VRK2: variants seen among roughly 807,000 people sequenced by gnomAD.
VRK2 encodes VRK serine/threonine kinase 2.
A neutral mutation model predicts 57.6 loss-of-function variants in VRK2; 60 were observed. The observed-to-expected ratio is 1.04, with a 90% CI of 0.85 to 1.29. The LOEUF (loss-of-function observed/expected upper bound fraction) is 1.29, where lower values mean the gene tolerates loss of function less well. Ranked by LOEUF, VRK2 falls within the 50% of genes most tolerant of loss-of-function variation. The pLI, the probability that VRK2 is intolerant of heterozygous loss-of-function variation, is 0.00. For missense variants in VRK2, 705 were observed against 588.1 expected, an observed-to-expected ratio of 1.20 and a Z score of -2.06; for synonymous variants, 231 against 199.2, an observed-to-expected ratio of 1.16 and a Z score of -1.35.
intron 1 of VRK2, among the ~76,000 whole-genome samples, chr2:57,912,038 G>A (rs1670000991): frequency 6.6e-6 from 1 of 152,190 alleles, no homozygotes; most frequent in South Asian, 2.1e-4. Flanking sequence ...CCCCATAAAA[G>A]GGCTGGATTT....
chr2:58,086,330 T>A lies in VRK2; in HGVS notation c.257-9T>A. 2.5e-6 allele frequency: 4 copies of A among 1,592,858 alleles called. No homozygotes were observed. The highest frequency in any genetic ancestry group is 3.4e-6 in the Non-Finnish European group (4 of 1,171,374). ...ATGAATCTTTTTAAAAATAAATTTG[T>A]CTTTGTAGTCAAAAAGTGGATAGAA... is the stretch of plus-strand genomic sequence containing the variant. On this transcript the variant is annotated splice_polypyrimidine_tract_variant and intron_variant, in intron 4 of 12. Transcript: ENST00000340157.
chr2:58,136,220 G>A (rs962990706), intron 10 of VRK2, among the ~76,000 whole-genome samples: 1 of 152,110 alleles, frequency 6.6e-6, no homozygotes, highest in African/African-American at 2.4e-5. Flanking sequence ...ATCCCCACAT[G>A]AGTCTTTTGT....
chr2:57,930,666 T>C lies in VRK2; in HGVS notation c.-439+22827T>C, dbSNP rs567145147. Among the ~76,000 whole-genome samples the C allele has an allele frequency of 1.3e-5, 2 of 152,312 alleles. 1 individual carries two copies. The highest frequency in any genetic ancestry group is 4.1e-4 in the South Asian group (2 of 4,830). Reference sequence around the variant, plus strand: ...CCCAATATATTAACTACAGTCACCATGCTGTACATTAGTTCTTTGGAATGT... The same window carrying C: ...CCCAATATATTAACTACAGTCACCACGCTGTACATTAGTTCTTTGGAATGT... On this transcript the variant is annotated intron_variant, in intron 1 of 15. Coordinates refer to the VRK2 transcript ENST00000417641.
intron 1 of VRK2, among the ~76,000 whole-genome samples, chr2:57,932,227 T>A (rs2678882): frequency 0.64 from 96,663 of 151,874 alleles, 30,903 homozygotes; most frequent in African/African-American, 0.72. Flanking sequence ...GATAAACTAG[T>A]AGTGTTCCCT....
At chr2:58,073,390 C>G (rs1274677722) in intron 2 of VRK2, among the ~76,000 whole-genome samples, 2 of 151,886 alleles carry the variant, frequency 1.3e-5, no homozygotes. Flanking sequence ...CTGTCAATTA[C>G]TGATGGAAGT....
At chr2:57,940,366 G>C (rs1671054239) in intron 1 of VRK2, among the ~76,000 whole-genome samples, 1 of 151,998 alleles carries the variant, frequency 6.6e-6, no homozygotes, top group Non-Finnish European at 1.5e-5. Context: ...CCATTTTTTT[G>C]TTCAACTCAG....
At chr2:58,147,636 C>G (rs1682359603) in intron 12 of VRK2, among the ~76,000 whole-genome samples, 1 of 151,686 alleles carries the variant, frequency 6.6e-6, no homozygotes, top group Non-Finnish European at 1.5e-5. Context: ...TAGATTTTAT[C>G]ACTTTGGAAA....
At chr2:58,074,263 G>T (rs756272469) in intron 2 of VRK2, among the ~76,000 whole-genome samples, 26 of 151,924 alleles carry the variant, frequency 1.7e-4, no homozygotes, top group Middle Eastern at 3.4e-3. Flanking sequence ...CTTTTAATTG[G>T]TGTATTTAGA....
chr2:58,124,507 T>C (rs542489744), intron 8 of VRK2, among the ~76,000 whole-genome samples: 2 of 152,358 alleles, frequency 1.3e-5, no homozygotes. Flanking sequence ...TTTAAACAGT[T>C]TTGAAAGGAC....
At chr2:57,945,264 AATAAT>A (rs1412679491) in intron 1 of VRK2, among the ~76,000 whole-genome samples, 3 of 152,164 alleles carry the variant, frequency 2.0e-5, no homozygotes, top group Non-Finnish European at 2.9e-5. Flanking sequence ...TATTTATAAT[AATAAT>A]ATAAGTATGT....
chr2:58,098,617 G>C (rs994535252), intron 7 of VRK2, among the ~76,000 whole-genome samples: 1 of 151,380 alleles, frequency 6.6e-6, no homozygotes, highest in Non-Finnish European at 1.5e-5. Context: ...TGTAGCCTAG[G>C]AGCTATAAGT....
intron 1 of VRK2, among the ~76,000 whole-genome samples, chr2:57,990,158 C>G (rs1429774046): frequency 6.6e-6 from 1 of 152,156 alleles, no homozygotes; most frequent in Admixed American, 6.5e-5. Context: ...TAACACAGAG[C>G]ATAACACAAA....
At chr2:58,107,819 TCC>T (rs1558644715) in intron 7 of VRK2, among the ~76,000 whole-genome samples, 1 of 152,130 alleles carries the variant, frequency 6.6e-6, no homozygotes, top group African/African-American at 2.4e-5. Flanking sequence ...CTCTGCCAGC[TCC>T]AAATGTTTTT....
In VRK2 at chr2:58,113,483, T is replaced by C. The variant is rs571321241; in HGVS notation, c.544-9618T>C. ...CACCAAACAGGCTTTGTGTGAGCAA[T>C]ATGGCTGTTTATTTCACCTGGGTGC... is the stretch of plus-strand genomic sequence containing the variant. On this transcript the variant is annotated intron_variant, in intron 7 of 12. Coordinates refer to ENST00000340157, the MANE Select transcript of VRK2 (RefSeq NM_006296.7). Among the ~76,000 whole-genome samples the C allele has an allele frequency of 1.1e-4, 17 of 152,074 alleles. No homozygotes were observed. The East Asian group carries it at 2.1e-3, about 19-fold the overall frequency.
intron 1 of VRK2, among the ~76,000 whole-genome samples, chr2:57,929,835 G>C (rs942906461): frequency 6.6e-6 from 1 of 152,132 alleles, no homozygotes; most frequent in African/African-American, 2.4e-5. Context: ...TTTTGGCCCA[G>C]GGAGTGTCTA....
intron 1 of VRK2, among the ~76,000 whole-genome samples, chr2:57,960,073 G>C (rs1671711538): frequency 1.4e-5 from 2 of 138,484 alleles, no homozygotes. Context: ...GGGGAGGTGT[G>C]TGACGGGGGC....
intron 2 of VRK2, among the ~76,000 whole-genome samples, chr2:58,058,684 A>G (rs1299709182): frequency 1.3e-5 from 2 of 151,948 alleles, no homozygotes; most frequent in Admixed American, 1.3e-4. Context: ...TTTTTAGGAA[A>G]TTATCATATT....
intron 7 of VRK2, among the ~76,000 whole-genome samples, chr2:58,106,629 G>T (rs745651854): frequency 6.6e-6 from 1 of 151,856 alleles, no homozygotes; most frequent in African/African-American, 2.4e-5. Context: ...CAAAAAATAT[G>T]AAAGGATAAA....
chr2:58,030,524 C>CA (rs1674080218), intron 2 of VRK2, among the ~76,000 whole-genome samples: 1 of 151,820 alleles, frequency 6.6e-6, no homozygotes, highest in African/African-American at 2.4e-5. Context: ...TTGGCTTGGG[C>CA]AAAAAAATAT....
Sources: gnomAD v4.1 joint callset for allele counts (sites outside exome capture counted in the v4.1 genomes callset) on GRCh38, gnomAD v4.1.1 for gene constraint, MANE v1.5 for transcripts, NCBI Gene and HGNC (gene_info 2026-07-23, HGNC 2026-07-21) for gene names.